Variants in ARID4A observed in about 807,000 individuals in gnomAD.
ARID4A encodes AT-rich interaction domain 4A, also known as AT-rich interactive domain-containing protein 4A.
Under a neutral mutation model 148.6 loss-of-function variants are expected in ARID4A, and 39 were observed. The ratio of observed to expected loss-of-function variants is 0.26; its 90% CI spans 0.20 to 0.34. The LOEUF is 0.34. Among genes scored for constraint, ARID4A ranks in the 10% least tolerant of loss-of-function variants. The pLI is 1.00. For synonymous variants in ARID4A, 475 were observed against 481.2 expected (o/e 0.99, Z 0.17); for missense variants, 1,265 against 1,449.1 (o/e 0.87, Z 2.06).
intron 5 of ARID4A, among the ~76,000 whole-genome samples, chr14:58,314,841 G>T (rs184197907): frequency 2.0e-4 from 30 of 152,258 alleles, no homozygotes; most frequent in Admixed American, 7.2e-4. Flanking sequence ...ATCTTAGTCT[G>T]GGTTCAGTGG....
At chr14:58,320,843 G>A (rs895548010) in intron 7 of ARID4A, among the ~76,000 whole-genome samples, 59 of 151,812 alleles carry the variant, frequency 3.9e-4, no homozygotes, top group African/African-American at 1.4e-3. Context: ...TCCTGACCTC[G>A]TGATCTGCCC....
In ARID4A at chr14:58,330,094, T is replaced by G; in HGVS notation, c.831T>G (p.Ser277Arg). Residue 277 changes from serine (S) to arginine (R), a missense_variant, in exon 11 of 24, where the codon AGT (serine) becomes AGG (arginine). Physicochemically the swap from Ser to Arg is moderately radical, Grantham distance 110 (BLOSUM62 -1). This residue lies in a region of ARID4A where 249 missense variants were observed against 277.2 expected (regional missense o/e 0.90). Transcript: ENST00000355431. ...GTGAAATCCTTGAGTCATCCAGTAG[T>G]GATGATGAAGATGGCCCAGCTGAAG... ...DISEILESSSSDDEDGPAEEN... is the reference protein window; with the variant it reads ...DISEILESSSRDDEDGPAEEN... The G allele has an allele frequency of 6.2e-7, 1 of 1,613,358 alleles. No individual in the cohort carries two copies. Among genetic ancestry groups the G allele is most frequent in the Non-Finnish European group, 8.5e-7 (1 of 1,179,808 alleles).
At chr14:58,320,105 G>A (rs1011301234) in intron 7 of ARID4A, among the ~76,000 whole-genome samples, 4 of 151,138 alleles carry the variant, frequency 2.6e-5, no homozygotes, top group South Asian at 2.1e-4. Flanking sequence ...GTGCCACCAC[G>A]CCCAGCTAAT....
chr14:58,304,963 A>G lies in ARID4A; in HGVS notation c.137A>G (p.Asn46Ser), dbSNP rs1243390513. 5.0e-6 allele frequency: 8 copies of G among 1,608,818 alleles called. No individual in the cohort carries two copies. The highest frequency in any genetic ancestry group is 6.8e-6 in the Non-Finnish European group (8 of 1,178,228). The change falls in exon 4 of 24, where the codon AAT becomes AGT. Residue 46 changes from asparagine (N) to serine (S), a missense_variant. Physicochemically the swap from Asn to Ser is conservative, Grantham distance 46. Around this residue, in one of 9 missense-constraint regions of ARID4A, gnomAD observed 59 missense variants for 49.8 expected, o/e 1.18. Coordinates refer to ENST00000355431, the MANE Select transcript of ARID4A (RefSeq NM_002892.4). ...TTTCAGGTACTCCTGAAACAGGATA[A>G]TACCACACAATTGGTACAAGATGAC... Reference protein sequence around the residue: ...VKVKVLLKQDNTTQLVQDDQV... With the variant: ...VKVKVLLKQDSTTQLVQDDQV...
intron 2 of ARID4A, 98 bp downstream of exon 2, chr14:58,299,958 G>C: frequency 5.2e-6 from 8 of 1,545,374 alleles, no homozygotes; most frequent in Non-Finnish European, 7.2e-6. Flanking sequence ...ACTCAAAATT[G>C]ATGTTCCTAC....
At chr14:58,304,381 T>G (rs2031439631) in intron 3 of ARID4A, among the ~76,000 whole-genome samples, 1 of 152,190 alleles carries the variant, frequency 6.6e-6, no homozygotes, top group Non-Finnish European at 1.5e-5. Flanking sequence ...GATTTTGAAT[T>G]TATTTGGACC....
intron 11 of ARID4A, among the ~76,000 whole-genome samples, chr14:58,333,490 TATA>T (rs1318303776): frequency 3.3e-5 from 5 of 152,100 alleles, no homozygotes; most frequent in Non-Finnish European, 5.9e-5. Context: ...CATTTTGGCT[TATA>T]ATAAGTAGGC....
At chr14:58,345,815 C>G (rs1193294641) in intron 12 of ARID4A, among the ~76,000 whole-genome samples, 1 of 143,982 alleles carries the variant, frequency 6.9e-6, no homozygotes, top group African/African-American at 2.6e-5. Context: ...CCTCCAGCCT[C>G]CACTTCCTGG....
At chr14:58,304,846 T>C in intron 3 of ARID4A, 98 bp from the exon 4 acceptor site, 1 of 1,039,248 alleles carries the variant, frequency 9.6e-7, no homozygotes, top group Non-Finnish European at 1.5e-6. Flanking sequence ...CACATGGTGC[T>C]AAGAAAGCAT....
At chr14:58,326,511 C>T (rs1029896878) in intron 8 of ARID4A, among the ~76,000 whole-genome samples, 4 of 152,062 alleles carry the variant, frequency 2.6e-5, no homozygotes, top group Non-Finnish European at 5.9e-5. Context: ...ATATTAGATG[C>T]GAGTGGGGGA....
chr14:58,317,213 T>G (rs1020352880), intron 5 of ARID4A, among the ~76,000 whole-genome samples: 1 of 149,468 alleles, frequency 6.7e-6, no homozygotes, highest in Admixed American at 6.6e-5. Context: ...AAAAAAGTAG[T>G]AAAAGCAAAA....
intron 23 of ARID4A, among the ~76,000 whole-genome samples, chr14:58,371,226 G>A: frequency 6.6e-6 from 1 of 152,040 alleles, no homozygotes; most frequent in East Asian, 1.9e-4. Flanking sequence ...CATGATACTT[G>A]AATAAACAAA....
intron 15 of ARID4A, 31 bp from the exon 16 acceptor site, chr14:58,351,026 CCCCTTTATAGTGATAG>C: frequency 6.6e-7 from 1 of 1,508,468 alleles, no homozygotes; most frequent in African/African-American, 1.4e-5. Context: ...CTGCTTTTTT[CCCCTTTATAGTGATAG>C]CTATTTTAAA....
At chr14:58,346,922 T>C (rs1319218869) in intron 13 of ARID4A, 98 bp from the exon 14 acceptor site, 9 of 327,772 alleles carry the variant, frequency 2.7e-5, no homozygotes, top group Admixed American at 2.7e-4. Flanking sequence ...AGTGAGACCC[T>C]GTCTCAAAAA....
chr14:58,318,511 T>G (rs1004150839), intron 5 of ARID4A, 31 bp from the exon 6 acceptor site: 1 of 1,603,974 alleles, frequency 6.2e-7, no homozygotes, highest in Non-Finnish European at 8.5e-7. Context: ...TTAGTGTGCA[T>G]AAATTCTCTG....
At chr14:58,371,679 TTGAGTAG>T (rs1405168875) in intron 23 of ARID4A, among the ~76,000 whole-genome samples, 200 bp from the exon 24 acceptor site, 1 of 152,196 alleles carries the variant, frequency 6.6e-6, no homozygotes, top group African/African-American at 2.4e-5. Flanking sequence ...TTTTTAAGTG[TTGAGTAG>T]TGCTTAACTG....
chr14:58,301,449 A>G lies in ARID4A; in HGVS notation c.7-131A>G, dbSNP rs1003523010. On this transcript the variant is annotated intron_variant, in intron 2 of 23. Transcript: ENST00000355431. The stretch of plus-strand genomic sequence containing the variant: ...ATCAAGTATTTAGGGTATTTTTCAA[A>G]TTTTCAATGATATTAATAAGCAAGT... The G allele has an allele frequency of 6.5e-5, 35 of 535,638 alleles. No individual in the cohort carries two copies. The Admixed American group carries it at 1.3e-3, about 19-fold the overall frequency. 33.2% of individuals were successfully genotyped at this position (535,638 alleles called of 1,614,324 possible). A position where few individuals can be genotyped will look rare whatever the true frequency, so the allele number is the denominator to read the frequency against.
intron 5 of ARID4A, among the ~76,000 whole-genome samples, chr14:58,310,794 A>T (rs1045989644): frequency 2.6e-5 from 4 of 151,978 alleles, no homozygotes; most frequent in African/African-American, 9.7e-5. Context: ...ATCAAACTAA[A>T]TAGCTTCCAC....
At chr14:58,348,867 T>C (rs568410520) in intron 15 of ARID4A, among the ~76,000 whole-genome samples, 61 of 152,272 alleles carry the variant, frequency 4.0e-4, no homozygotes, top group Middle Eastern at 6.8e-3. Context: ...ACATATAACA[T>C]AAAATTTGCC....
Sources: allele counts gnomAD v4.1 joint callset (sites outside exome capture counted in the v4.1 genomes callset), GRCh38; gene constraint gnomAD v4.1.1; regional missense constraint gnomAD v4.1.1; transcripts MANE v1.5; gene names NCBI Gene and HGNC (gene_info 2026-07-23, HGNC 2026-07-21).